EML6: variants seen among roughly 807,000 people sequenced by gnomAD.
EML6 encodes the protein echinoderm microtubule-associated protein-like 6.
In EML6, 154 loss-of-function variants were observed where a neutral mutation model predicts 240.1. The observed-to-expected ratio is 0.64, with a 90% CI of 0.56 to 0.73. EML6 has a LOEUF of 0.73. Among genes scored for constraint, EML6 ranks in the 30% least tolerant of loss-of-function variants. The pLI is 0.00. For synonymous variants in EML6, 1,148 were observed against 899.0 expected (o/e 1.28, Z -4.95); for missense variants, 2,964 against 2,474.6 (o/e 1.20, Z -4.20).
chr2:54,829,246 T>A (rs2104178917), intron 6 of EML6, 96 bp from the exon 7 acceptor site: 1 of 1,252,466 alleles, frequency 8.0e-7, no homozygotes, highest in Non-Finnish European at 1.1e-6. Context: ...TATTTTTGTT[T>A]TTGACTTGCT....
rs1676967967 is a variant in EML6 at position 54,971,041 on chromosome 2, T to C, written c.*946T>C. On this transcript the variant is annotated 3_prime_UTR_variant, in exon 42 of 42. Transcript: ENST00000356458. ...AGGTCTATGAGAATGAGCTGACTTA[T>C]CTCGTTAAATCTTAAGATAAATGAG... 1 of 152,224 alleles carries C rather than the reference T, an allele frequency of 6.6e-6. No individual in the cohort carries two copies. Among genetic ancestry groups the C allele is most frequent in the Non-Finnish European group, 1.5e-5 (1 of 68,040 alleles). 9.4% of individuals were successfully genotyped at this position (152,224 alleles called of 1,614,324 possible).
At chr2:54,818,024 T>TAC (rs1668155942) in intron 4 of EML6, among the ~76,000 whole-genome samples, 1 of 151,508 alleles carries the variant, frequency 6.6e-6, no homozygotes, top group Non-Finnish European at 1.5e-5. Context: ...CTTCACGGCA[T>TAC]ATATATACAC....
chr2:54,791,201 G>A (rs76263432), intron 2 of EML6, among the ~76,000 whole-genome samples: 15,207 of 152,192 alleles, frequency 0.1, 916 homozygotes, highest in East Asian at 0.19. Flanking sequence ...CTTCTCCTGA[G>A]TTGCACGTGG....
chr2:54,949,257 C>G (rs1296287881), intron 29 of EML6, among the ~76,000 whole-genome samples: 1 of 152,166 alleles, frequency 6.6e-6, no homozygotes, highest in Non-Finnish European at 1.5e-5. Context: ...TGGTCCCACT[C>G]AGACCCTCAG....
rs184723132 is a variant in EML6, at chr2:54,804,240, A to G, written c.198-8992A>G. Among the ~76,000 whole-genome samples the G allele has an allele frequency of 2.5e-3, 378 of 152,350 alleles. 3 individuals are homozygous for G. Among genetic ancestry groups the G allele is most frequent in the African/African-American group, 8.8e-3 (364 of 41,578 alleles). On this transcript the variant is annotated intron_variant, in intron 2 of 41. Transcript: ENST00000356458. ...TAATCAGACATTACTGAAACACATG[A>G]CTGGCATATTTAATTATCCTAAATT... is the stretch of plus-strand genomic sequence containing the variant.
chr2:54,824,151 T>G (rs906158281), intron 5 of EML6, among the ~76,000 whole-genome samples: 46 of 152,304 alleles, frequency 3.0e-4, no homozygotes, highest in African/African-American at 1.1e-3. Context: ...AGAATTCTCC[T>G]GATTCCTTCC....
chr2:54,809,161 C>A (rs1421550043), intron 2 of EML6, among the ~76,000 whole-genome samples: 2 of 152,194 alleles, frequency 1.3e-5, no homozygotes, highest in African/African-American at 4.8e-5. Context: ...AATATTGTGA[C>A]AGTGCTGTCG....
intron 22 of EML6, among the ~76,000 whole-genome samples, chr2:54,900,813 G>C (rs1382956925): frequency 6.6e-6 from 1 of 152,170 alleles, no homozygotes; most frequent in African/African-American, 2.4e-5. Context: ...AAGGGGATGT[G>C]AAAGGACAAA....
intron 17 of EML6, chr2:54,882,812 C>A (rs895413454): frequency 2.4e-5 from 3 of 125,554 alleles, no homozygotes; most frequent in African/African-American, 8.7e-5. Flanking sequence ...GAGCCGAGAT[C>A]ACGGCACTGC....
Position 54,968,162 on chromosome 2 carries a change from C to A in EML6, c.5632C>A (p.Arg1878=). Residue 1878 remains arginine (R), a synonymous_variant, in exon 40 of 42, where the codon CGA becomes AGA. Coordinates refer to ENST00000356458, the MANE Select transcript of EML6 (RefSeq NM_001039753.4). The part of the protein sequence containing the change: ...LGDEVIGIWP[R]NADKADVNCA... ...AGATGAAGTCATTGGAATCTGGCCA[C>A]GAAATGCAGACAAGGCTGATGTCAA... The A allele has an allele frequency of 6.4e-7, 1 of 1,551,536 alleles. No homozygotes were observed. Among genetic ancestry groups the A allele is most frequent in the Non-Finnish European group, 8.7e-7 (1 of 1,146,986 alleles).
intron 2 of EML6, among the ~76,000 whole-genome samples, chr2:54,756,275 G>T (rs1433994436): frequency 3.3e-5 from 5 of 152,110 alleles, no homozygotes; most frequent in African/African-American, 1.2e-4. Context: ...TCCTGCTTTG[G>T]TTTGTTCATC....
intron 2 of EML6, among the ~76,000 whole-genome samples, chr2:54,745,673 T>C (rs114599199): frequency 0.02 from 3,064 of 151,968 alleles, 103 homozygotes; most frequent in African/African-American, 0.07. Context: ...CACAGCTGCT[T>C]GGGAGGCTGA....
intron 9 of EML6, among the ~76,000 whole-genome samples, chr2:54,849,368 C>G (rs1450856541): frequency 6.6e-6 from 1 of 152,208 alleles, no homozygotes; most frequent in African/African-American, 2.4e-5. Flanking sequence ...CTTATTTCTT[C>G]TATCACACTG....
chr2:54,847,386 TTGTTAC>T (rs1423719458), intron 8 of EML6, 94 bp from the exon 9 acceptor site: 1 of 1,272,018 alleles, frequency 7.9e-7, no homozygotes, highest in Non-Finnish European at 1.1e-6. Flanking sequence ...ATGTCTTTTC[TTGTTAC>T]TGTTGGTGTG....
intron 2 of EML6, chr2:54,748,531 T>C (rs547418690): frequency 1.6e-4 from 25 of 152,216 alleles, no homozygotes; most frequent in South Asian, 2.1e-4. Flanking sequence ...TTTACATACA[T>C]TGTGGCTACC....
intron 2 of EML6, among the ~76,000 whole-genome samples, chr2:54,766,147 G>A (rs1182222453): frequency 6.6e-6 from 1 of 152,080 alleles, no homozygotes; most frequent in Non-Finnish European, 1.5e-5. Context: ...GACACCTTGT[G>A]TAGTTACTAA....
In EML6 at chr2:54,937,553, TAAAAAAAAAAAA is replaced by T. The variant is rs34682923; in HGVS notation, c.4004+8820_4004+8831del. On this transcript the variant is annotated intron_variant, in intron 28 of 41. Transcript: ENST00000356458. ...GGGCCATAGAGCAAGACTCTGTCTT[TAAAAAAAAAAAA>T]AAAAAAAAAAAAAAAAAGTAGAAAA... 6.1e-3 allele frequency among the ~76,000 whole-genome samples: 414 copies of T among 68,224 alleles called. 5 individuals are homozygous for T. The East Asian group carries it at 0.092, about 15-fold the overall frequency. 44.8% of individuals were successfully genotyped at this position (68,224 alleles called of 152,430 possible).
In EML6 at chr2:54,970,253, C is replaced by A. The variant is rs533229358; in HGVS notation, c.*158C>A. On this transcript the variant is annotated 3_prime_UTR_variant, in exon 42 of 42. Coordinates refer to ENST00000356458, the MANE Select transcript of EML6 (RefSeq NM_001039753.4). ...ACGCTGCAGAAGTTACACAACTGCT[C>A]CCATAATCTGGACTCTCCAAAACCG... 2 of 721,000 alleles carry A rather than the reference C, an allele frequency of 2.8e-6. No individual in the cohort carries two copies. The highest frequency in any genetic ancestry group is 3.2e-5 in the South Asian group (2 of 62,152). The allele number at this position is 721,000 out of a possible 1,614,324, so 44.7% of individuals were successfully genotyped here. A position where few individuals can be genotyped will look rare whatever the true frequency, so the allele number is the denominator to read the frequency against.
chr2:54,782,254 T>C (rs1668886772), intron 2 of EML6, among the ~76,000 whole-genome samples: 1 of 152,212 alleles, frequency 6.6e-6, no homozygotes, highest in South Asian at 2.1e-4. Context: ...TCCCTGATAT[T>C]TCCCTAATAG....
Sources: allele counts gnomAD v4.1 joint callset (sites outside exome capture counted in the v4.1 genomes callset), GRCh38; gene constraint gnomAD v4.1.1; transcripts MANE v1.5; gene names NCBI Gene and HGNC (gene_info 2026-07-23, HGNC 2026-07-21).